Variants in CENPW observed in about 807,000 individuals in gnomAD.
The protein encoded by CENPW is centromere protein W.
Under a neutral mutation model 11.1 loss-of-function variants are expected in CENPW, and 3 were observed. That is an observed-to-expected ratio of 0.27 (90% confidence interval 0.12 to 0.70). The LOEUF is 0.70. Among genes scored for constraint, CENPW ranks in the 30% least tolerant of loss-of-function variants. CENPW has a pLI of 0.77. For missense variants in CENPW, 100 were observed against 105.6 expected, an observed-to-expected ratio of 0.95 and a Z score of 0.23; for synonymous variants, 38 against 42.0, an observed-to-expected ratio of 0.91 and a Z score of 0.37.
Position 126,346,200 on chromosome 6 carries a change from T to C in CENPW, c.127-5T>C. 1 of 1,540,154 alleles carries C rather than the reference T, an allele frequency of 6.5e-7. No homozygotes were observed. The highest frequency in any genetic ancestry group is 8.8e-7 in the Non-Finnish European group (1 of 1,130,304). ...AAAAATCCACTTGGATTTTCTGTTT[T>C]AAAGGTCCATCTGAACTGTTTACTG... On this transcript the variant is annotated splice_polypyrimidine_tract_variant and splice_region_variant and intron_variant, in intron 1 of 2. Coordinates refer to ENST00000368328, the MANE Select transcript of CENPW (RefSeq NM_001012507.4).
At chr6:126,447,805 T>G in the CENPW span, among the ~76,000 whole-genome samples, 1 of 151,198 alleles carries the variant, frequency 6.6e-6, no homozygotes, top group Non-Finnish European at 1.5e-5. Context: ...CTGAACCAAG[T>G]AATACCTTGA....
At chr6:126,408,677 G>T in the CENPW span, among the ~76,000 whole-genome samples, 1 of 152,098 alleles carries the variant, frequency 6.6e-6, no homozygotes, top group Non-Finnish European at 1.5e-5. Flanking sequence ...GATCTGTTCA[G>T]GTTTTGTATT....
At chr6:126,465,540 C>T in the CENPW span, among the ~76,000 whole-genome samples, 4 of 151,802 alleles carry the variant, frequency 2.6e-5, no homozygotes, top group Non-Finnish European at 5.9e-5. Flanking sequence ...ATAAAACTCA[C>T]GTGAACATTA....
the CENPW span, among the ~76,000 whole-genome samples, chr6:126,474,450 T>C: frequency 6.6e-6 from 1 of 152,074 alleles, no homozygotes; most frequent in Non-Finnish European, 1.5e-5. Context: ...TCTTTCATAT[T>C]CCTAAGGACG....
At chr6:126,460,717 A>G in the CENPW span, among the ~76,000 whole-genome samples, 1 of 151,824 alleles carries the variant, frequency 6.6e-6, no homozygotes, top group African/African-American at 2.4e-5. Flanking sequence ...AACCTGGCTC[A>G]GTTTCTAATG....
the CENPW span, among the ~76,000 whole-genome samples, chr6:126,404,164 T>C: frequency 6.6e-6 from 1 of 152,080 alleles, no homozygotes; most frequent in South Asian, 2.1e-4. Flanking sequence ...TTCAAAATCT[T>C]ATTGCTCACT....
the CENPW span, among the ~76,000 whole-genome samples, chr6:126,384,771 A>G: frequency 2.0e-5 from 3 of 152,162 alleles, no homozygotes; most frequent in African/African-American, 7.2e-5. Flanking sequence ...CACAAATGGA[A>G]TCTAATTAAA....
chr6:126,393,675 A>C, the CENPW span, among the ~76,000 whole-genome samples: 1 of 150,734 alleles, frequency 6.6e-6, no homozygotes, highest in Non-Finnish European at 1.5e-5. Context: ...GGAAATTTTC[A>C]TGACTTGTTT....
At chr6:126,430,156 G>A in the CENPW span, among the ~76,000 whole-genome samples, 1 of 152,164 alleles carries the variant, frequency 6.6e-6, no homozygotes, top group Non-Finnish European at 1.5e-5. Context: ...TGTACTGACT[G>A]CATCTTATGC....
At chr6:126,476,616 C>A in the CENPW span, among the ~76,000 whole-genome samples, 1 of 151,888 alleles carries the variant, frequency 6.6e-6, no homozygotes, top group Non-Finnish European at 1.5e-5. Context: ...TTCCCAAAGA[C>A]CTTGTAATTC....
At chr6:126,470,949 A>G in the CENPW span, among the ~76,000 whole-genome samples, 33,914 of 152,178 alleles carry the variant, frequency 0.22, 4,609 homozygotes, top group East Asian at 0.47. Context: ...TTTTGATTTT[A>G]CAGGCTCATG....
chr6:126,457,729 G>A, the CENPW span, among the ~76,000 whole-genome samples: 1 of 151,212 alleles, frequency 6.6e-6, no homozygotes, highest in Non-Finnish European at 1.5e-5. Flanking sequence ...CCACCGCTTG[G>A]TATTGACTGG....
chr6:126,413,087 C>T, the CENPW span, among the ~76,000 whole-genome samples: 39 of 152,064 alleles, frequency 2.6e-4, no homozygotes, highest in African/African-American at 8.5e-4. Flanking sequence ...AGAGAGGTTT[C>T]CAGAGCTTCT....
At chr6:126,401,352 T>A in the CENPW span, among the ~76,000 whole-genome samples, 217 of 152,088 alleles carry the variant, frequency 1.4e-3, no homozygotes, top group Middle Eastern at 3.4e-3. Context: ...TCGGAGAGGG[T>A]GTCTCTCTAG....
chr6:126,350,496 T>A (rs1780479460), downstream of CENPW, among the ~76,000 whole-genome samples: 1 of 152,120 alleles, frequency 6.6e-6, no homozygotes, highest in African/African-American at 2.4e-5. Flanking sequence ...CATGACCTAA[T>A]TACCTCCCAA....
the CENPW span, among the ~76,000 whole-genome samples, chr6:126,470,396 G>A: frequency 6.6e-6 from 1 of 152,210 alleles, no homozygotes; most frequent in Non-Finnish European, 1.5e-5. Context: ...TGAGGTTTGG[G>A]AACCTCTGCC....
the CENPW span, among the ~76,000 whole-genome samples, chr6:126,481,043 C>T: frequency 6.6e-6 from 1 of 152,018 alleles, no homozygotes; most frequent in Non-Finnish European, 1.5e-5. Flanking sequence ...ACTAATCCTA[C>T]ATATATGTAT....
the CENPW span, among the ~76,000 whole-genome samples, chr6:126,430,061 A>T: frequency 1.3e-5 from 2 of 152,164 alleles, no homozygotes; most frequent in Non-Finnish European, 2.9e-5. Flanking sequence ...ATTCTGTGGC[A>T]TCTGTTAGCT....
the CENPW span, among the ~76,000 whole-genome samples, chr6:126,430,433 T>C: frequency 3.3e-5 from 5 of 152,170 alleles, no homozygotes; most frequent in African/African-American, 1.2e-4. Flanking sequence ...AAAAGACATA[T>C]ATATACCAGC....
Sources: allele counts gnomAD v4.1 joint callset (sites outside exome capture counted in the v4.1 genomes callset), GRCh38; gene constraint gnomAD v4.1.1; transcripts MANE v1.5; gene names NCBI Gene and HGNC (gene_info 2026-07-23, HGNC 2026-07-21).